Variants in ENPP6 observed in about 807,000 individuals in gnomAD.
ENPP6 encodes ectonucleotide pyrophosphatase/phosphodiesterase 6.
Under a neutral mutation model 42.0 loss-of-function variants are expected in ENPP6, and 32 were observed. The observed-to-expected ratio is 0.76, with a 90% confidence interval of 0.58 to 1.02. ENPP6 has a LOEUF of 1.02. Among genes scored for constraint, ENPP6 ranks in the 50% least tolerant of loss-of-function variants. The probability of loss-of-function intolerance (pLI) is 0.00; values close to 1 mark genes in which losing one functional copy is unlikely to be tolerated. For missense variants in ENPP6, 552 were observed against 566.8 expected (o/e 0.97, Z 0.27); for synonymous variants, 213 against 216.0 (o/e 0.99, Z 0.12).
At chr4:184,123,307 G>A (rs1212661499) in intron 3 of ENPP6, among the ~76,000 whole-genome samples, 3 of 152,090 alleles carry the variant, frequency 2.0e-5, no homozygotes, top group Non-Finnish European at 4.4e-5. Context: ...CACTGTGCCT[G>A]GGTATGTTGG....
chr4:184,121,757 G>A (rs562033620), intron 3 of ENPP6, among the ~76,000 whole-genome samples: 3 of 152,342 alleles, frequency 2.0e-5, no homozygotes, highest in African/African-American at 7.2e-5. Context: ...AAGTGCTCTT[G>A]ACTGGTCTAG....
chr4:184,113,925 T>TTCTTTCTTTCTTTC (rs1736263649), intron 5 of ENPP6, among the ~76,000 whole-genome samples: 1 of 140,736 alleles, frequency 7.1e-6, no homozygotes. Flanking sequence ...CTTTCTTTCT[T>TTCTTTCTTTCTTTC]TCTTTCTTTC....
intron 2 of ENPP6, among the ~76,000 whole-genome samples, chr4:184,152,614 A>C (rs189981838): frequency 6.6e-6 from 1 of 152,318 alleles, no homozygotes; most frequent in Non-Finnish European, 1.5e-5. Context: ...GGGCGTGGGA[A>C]AGGTAAACTG....
chr4:184,098,467 C>T (rs1327212100), intron 6 of ENPP6, among the ~76,000 whole-genome samples: 1 of 152,210 alleles, frequency 6.6e-6, no homozygotes, highest in Admixed American at 6.5e-5. Context: ...CTTTCCCATG[C>T]AGCCCACCCT....
chr4:184,199,674 G>A (rs756655592), intron 1 of ENPP6, among the ~76,000 whole-genome samples: 11 of 152,140 alleles, frequency 7.2e-5, no homozygotes, highest in Non-Finnish European at 1.6e-4. Flanking sequence ...GTCTGCTGCC[G>A]TCCACCCTTC....
intron 1 of ENPP6, among the ~76,000 whole-genome samples, chr4:184,206,615 A>G (rs1422606233): frequency 6.6e-6 from 1 of 152,176 alleles, no homozygotes; most frequent in African/African-American, 2.4e-5. Context: ...ACGATTGTTC[A>G]AGTACTTTCT....
chr4:184,174,545 G>A (rs1441906838), intron 1 of ENPP6, among the ~76,000 whole-genome samples: 1 of 87,138 alleles, frequency 1.1e-5, no homozygotes, highest in Non-Finnish European at 2.6e-5. Flanking sequence ...TGACCTCATG[G>A]TATCCTCCCA....
chr4:184,186,098 C>T (rs1732631422), intron 1 of ENPP6, among the ~76,000 whole-genome samples: 1 of 152,150 alleles, frequency 6.6e-6, no homozygotes, highest in Non-Finnish European at 1.5e-5. Context: ...TGTGCCAAAC[C>T]TTAACAATTT....
At chr4:184,101,303 CTTGTGTGTGTGTGTGT>C (rs1735999584) in intron 6 of ENPP6, among the ~76,000 whole-genome samples, 2 of 89,638 alleles carry the variant, frequency 2.2e-5, no homozygotes, top group African/African-American at 7.8e-5. Context: ...TGTGTGTGAG[CTTGTGTGTGTGTGTGT>C]GTGTGTGTGT....
At chr4:184,153,129 TTTC>T (rs1737085482) in intron 2 of ENPP6, among the ~76,000 whole-genome samples, 2 of 151,516 alleles carry the variant, frequency 1.3e-5, no homozygotes, top group South Asian at 4.2e-4. Flanking sequence ...TTCTTTTCTT[TTTC>T]TTTTTTTTTC....
At chr4:184,206,263 T>C (rs1022933072) in intron 1 of ENPP6, among the ~76,000 whole-genome samples, 2 of 141,830 alleles carry the variant, frequency 1.4e-5, no homozygotes, top group Admixed American at 1.4e-4. Context: ...TTTTTTTTTT[T>C]TTTTTTTTTT....
intron 5 of ENPP6, among the ~76,000 whole-genome samples, chr4:184,113,900 T>TTTCTTTCC (rs1736258105): frequency 4.9e-5 from 1 of 20,338 alleles, no homozygotes; most frequent in Non-Finnish European, 1.1e-4. Context: ...CTTTCTTTCT[T>TTTCTTTCC]TTCTTTCTTT....
chr4:184,134,242 T>C (rs1386311044), intron 2 of ENPP6, among the ~76,000 whole-genome samples: 1 of 152,064 alleles, frequency 6.6e-6, no homozygotes, highest in Non-Finnish European at 1.5e-5. Flanking sequence ...GCCTCCCAAG[T>C]AGCTGGGATT....
intron 1 of ENPP6, among the ~76,000 whole-genome samples, chr4:184,168,814 C>T (rs943876520): frequency 6.6e-6 from 1 of 152,180 alleles, no homozygotes; most frequent in Admixed American, 6.5e-5. Flanking sequence ...GGCGGCCACG[C>T]GCTGCAGCAA....
intron 6 of ENPP6, among the ~76,000 whole-genome samples, chr4:184,105,479 T>G (rs962123507): frequency 6.6e-6 from 1 of 152,232 alleles, no homozygotes; most frequent in South Asian, 2.1e-4. Context: ...TGGATGGGAC[T>G]GTGTGCTTCA....
At chr4:184,139,267 G>A (rs888454339) in intron 2 of ENPP6, among the ~76,000 whole-genome samples, 7 of 152,138 alleles carry the variant, frequency 4.6e-5, no homozygotes, top group Non-Finnish European at 8.8e-5. Flanking sequence ...ATGGAGCGTG[G>A]AAGAGAGAGC....
At chr4:184,099,646 C>T (rs1735967082) in intron 6 of ENPP6, among the ~76,000 whole-genome samples, 1 of 152,220 alleles carries the variant, frequency 6.6e-6, no homozygotes, top group South Asian at 2.1e-4. Flanking sequence ...CCATAAATCG[C>T]CCCCTCGCAT....
intron 6 of ENPP6, among the ~76,000 whole-genome samples, chr4:184,102,671 T>C (rs1363001924): frequency 6.6e-6 from 1 of 152,204 alleles, no homozygotes; most frequent in African/African-American, 2.4e-5. Context: ...AGAGGCGCTG[T>C]TGCAGGGCCT....
At chr4:184,186,574 G>A (rs1490760560) in intron 1 of ENPP6, among the ~76,000 whole-genome samples, 1 of 152,152 alleles carries the variant, frequency 6.6e-6, no homozygotes, top group Admixed American at 6.5e-5. Context: ...AGGTTGAGAG[G>A]AAGGAGAAAA....
Sources: allele counts gnomAD v4.1 joint callset (sites outside exome capture counted in the v4.1 genomes callset), GRCh38; gene constraint gnomAD v4.1.1; transcripts MANE v1.5; gene names NCBI Gene and HGNC (gene_info 2026-07-23, HGNC 2026-07-21).